The following MIS18BP1 variants were observed in gnomAD, a reference collection of about 807,000 sequenced individuals.
MIS18BP1 encodes mis18-binding protein 1.
MIS18BP1 carries 72 observed loss-of-function variants against 116.1 expected under a neutral mutation model. The observed-to-expected ratio is 0.62, with a 90% CI of 0.51 to 0.75. The LOEUF (loss-of-function observed/expected upper bound fraction) is 0.75. MIS18BP1 is among the 30% of genes least tolerant of loss of function. The pLI, the probability that MIS18BP1 is intolerant of heterozygous loss-of-function variation, is 0.00. For synonymous variants in MIS18BP1, 386 were observed against 427.0 expected, an observed-to-expected ratio of 0.90 and a Z score of 1.18; for missense variants, 1,363 against 1,303.2, an observed-to-expected ratio of 1.05 and a Z score of -0.71.
chr14:45,250,467 T>C (rs959531363), intron 1 of MIS18BP1, among the ~76,000 whole-genome samples: 2 of 152,142 alleles, frequency 1.3e-5, no homozygotes, highest in African/African-American at 4.8e-5. Context: ...ATTTAGTAAC[T>C]AGCAACCCGC....
At chr14:45,246,336 T>A (rs1178225040) in intron 2 of MIS18BP1, among the ~76,000 whole-genome samples, 1 of 152,212 alleles carries the variant, frequency 6.6e-6, no homozygotes, top group African/African-American at 2.4e-5. Flanking sequence ...TCCTTCAACA[T>A]GTCAGGCATG....
intron 13 of MIS18BP1, among the ~76,000 whole-genome samples, chr14:45,214,261 T>A (rs995474605): frequency 6.6e-6 from 1 of 152,222 alleles, no homozygotes; most frequent in Non-Finnish European, 1.5e-5. Flanking sequence ...AAAACCCGAC[T>A]GTATGTTCTA....
intron 5 of MIS18BP1, among the ~76,000 whole-genome samples, 158 bp from the exon 6 acceptor site, chr14:45,236,102 G>A (rs1891422927): frequency 6.6e-6 from 1 of 152,174 alleles, no homozygotes; most frequent in Admixed American, 6.5e-5. Flanking sequence ...TCAACTGCTT[G>A]GCTATTGTAA....
rs144576078 is a variant in MIS18BP1 at position 45,224,589 on chromosome 14, C to T, written c.1998G>A (p.Met666Ile). 2.6e-5 allele frequency: 42 copies of T among 1,613,652 alleles called. No homozygotes were observed. The highest frequency in any genetic ancestry group is 3.3e-5 in the Non-Finnish European group (39 of 1,179,920). ...TGGTGCCAGCGGACAGATTATACCT[C>T]ATGCATCTTTGCTCTATCACTTTTC... ...KSRKVIEQRC[M>I]RYNLSAGTIK... The change falls in exon 11 of 17, where the codon ATG becomes ATA. Residue 666 changes from methionine (M) to isoleucine (I), a missense_variant. Met to Ile is a conservative substitution (Grantham distance 10, BLOSUM62 1). Coordinates refer to ENST00000310806, the MANE Select transcript of MIS18BP1 (RefSeq NM_018353.5).
At chr14:45,234,481 T>C (rs945490129) in intron 6 of MIS18BP1, among the ~76,000 whole-genome samples, 1 of 152,038 alleles carries the variant, frequency 6.6e-6, no homozygotes, top group African/African-American at 2.4e-5. Context: ...TAAAAGCAGG[T>C]GTTAATCCAA....
At chr14:45,236,506 T>C (rs982661030) in intron 5 of MIS18BP1, among the ~76,000 whole-genome samples, 4 of 152,172 alleles carry the variant, frequency 2.6e-5, no homozygotes, top group South Asian at 2.1e-4. Context: ...TAGAAAAAAA[T>C]ATGAAGATGT....
intron 11 of MIS18BP1, among the ~76,000 whole-genome samples, chr14:45,221,569 ATCTT>A (rs1481721360): frequency 1.3e-5 from 2 of 152,194 alleles, no homozygotes; most frequent in Non-Finnish European, 1.5e-5. Flanking sequence ...AAATTTTCCT[ATCTT>A]TATTTTATTG....
intron 13 of MIS18BP1, 44 bp downstream of exon 13, chr14:45,216,975 A>G: frequency 3.8e-6 from 6 of 1,586,682 alleles, no homozygotes; most frequent in African/African-American, 1.4e-5. Flanking sequence ...GAAAGATACA[A>G]AAGTCAATAC....
chr14:45,241,898 G>T, intron 4 of MIS18BP1, 136 bp downstream of exon 4: 1 of 929,800 alleles, frequency 1.1e-6, no homozygotes, highest in Non-Finnish European at 1.6e-6. Context: ...ACATGATAAT[G>T]AAGACACTGT....
intron 6 of MIS18BP1, among the ~76,000 whole-genome samples, chr14:45,233,166 G>A (rs1486359478): frequency 6.6e-6 from 1 of 152,152 alleles, no homozygotes; most frequent in Non-Finnish European, 1.5e-5. Context: ...CAATGAAATA[G>A]CATCATTTGA....
At chr14:45,226,540 A>G in intron 10 of MIS18BP1, among the ~76,000 whole-genome samples, 1 of 152,186 alleles carries the variant, frequency 6.6e-6, no homozygotes, top group East Asian at 1.9e-4. Flanking sequence ...AAGAAGGCAA[A>G]CCTGTAAGTA....
intron 10 of MIS18BP1, among the ~76,000 whole-genome samples, chr14:45,225,686 G>A (rs919915185): frequency 3.3e-5 from 5 of 152,246 alleles, no homozygotes; most frequent in East Asian, 1.9e-4. Context: ...CTTATATCTT[G>A]TCACTAAAGA....
chr14:45,215,924 T>A (rs1183342855), intron 13 of MIS18BP1, among the ~76,000 whole-genome samples: 1 of 151,872 alleles, frequency 6.6e-6, no homozygotes, highest in African/African-American at 2.4e-5. Flanking sequence ...CAGGATGGTC[T>A]TGATCTCCTG....
In MIS18BP1 at chr14:45,247,035, A is replaced by T; in HGVS notation, c.252T>A (p.Thr84=). The T allele has an allele frequency of 6.2e-7, 1 of 1,613,306 alleles. No individual in the cohort carries two copies. The highest frequency in any genetic ancestry group is 8.5e-7 in the Non-Finnish European group (1 of 1,179,702). Residue 84 remains threonine (T), a synonymous_variant, in exon 2 of 17, where the codon ACT becomes ACA. Coordinates refer to ENST00000310806, the MANE Select transcript of MIS18BP1 (RefSeq NM_018353.5). The part of the protein sequence containing the change: ...IFQSTMLTEA[T]TSNSSLDISA... ...TGATATCAAGAGAACTGTTAGAGGT[A>T]GTAGCCTCTGTTAGCATAGTTGATT...
intron 2 of MIS18BP1, among the ~76,000 whole-genome samples, chr14:45,245,753 G>C (rs1269083673): frequency 6.6e-6 from 1 of 152,106 alleles, no homozygotes; most frequent in African/African-American, 2.4e-5. Flanking sequence ...CTTACTCCTT[G>C]ATGACCTCAT....
At chr14:45,245,513 C>T (rs545746458) in intron 2 of MIS18BP1, among the ~76,000 whole-genome samples, 7 of 152,048 alleles carry the variant, frequency 4.6e-5, no homozygotes, top group Non-Finnish European at 7.4e-5. Context: ...TACAAGCATG[C>T]GCCATCAAGC....
At chr14:45,235,743 GTATT>G (rs777700048) in intron 6 of MIS18BP1, 67 bp downstream of exon 6, 2 of 1,332,810 alleles carry the variant, frequency 1.5e-6, no homozygotes, top group Non-Finnish European at 2.0e-6. Flanking sequence ...AAAAAAATGT[GTATT>G]ACTGTGAGAA....
At chr14:45,239,828 A>C (rs1402441872) in intron 4 of MIS18BP1, among the ~76,000 whole-genome samples, 1 of 152,204 alleles carries the variant, frequency 6.6e-6, no homozygotes, top group Non-Finnish European at 1.5e-5. Context: ...CGCATTCAGG[A>C]GAGTAGAGCC....
At chr14:45,247,690 A>C (rs1447200109) in intron 1 of MIS18BP1, among the ~76,000 whole-genome samples, 1 of 152,062 alleles carries the variant, frequency 6.6e-6, no homozygotes, top group African/African-American at 2.4e-5. Flanking sequence ...ACAGAGCAAG[A>C]CCTTGTCTCA....
Sources: allele counts gnomAD v4.1 joint callset (sites outside exome capture counted in the v4.1 genomes callset), GRCh38; gene constraint gnomAD v4.1.1; transcripts MANE v1.5; gene names NCBI Gene and HGNC (gene_info 2026-07-23, HGNC 2026-07-21).